The following TNPO1 variants were observed in gnomAD, a reference collection of about 807,000 sequenced individuals.
TNPO1 encodes transportin-1.
Under a neutral mutation model 119.5 loss-of-function variants are expected in TNPO1, and 8 were observed. That is an observed-to-expected ratio of 0.07 (90% CI 0.04 to 0.12). TNPO1 has a LOEUF of 0.12. Among genes scored for constraint, TNPO1 ranks in the 10% least tolerant of loss-of-function variants. TNPO1 has a pLI of 1.00. For synonymous variants in TNPO1, 362 were observed against 363.0 expected (o/e 1.00, Z 0.03); for missense variants, 576 against 1,089.8 (o/e 0.53, Z 6.64).
At chr5:72,858,317 T>TA (rs1746158076) in intron 4 of TNPO1, among the ~76,000 whole-genome samples, 2 of 152,220 alleles carry the variant, frequency 1.3e-5, no homozygotes, top group Admixed American at 1.3e-4. Flanking sequence ...TTTCTATTTT[T>TA]ATATATGTAT....
At chr5:72,826,627 A>G (rs1744216326) in intron 1 of TNPO1, among the ~76,000 whole-genome samples, 1 of 152,216 alleles carries the variant, frequency 6.6e-6, no homozygotes, top group African/African-American at 2.4e-5. Flanking sequence ...GCAAAATGGT[A>G]ATTATGTTAA....
chr5:72,911,049 T>G lies in TNPO1; in HGVS notation c.*2376T>G, dbSNP rs1487720873. 1 of 152,100 alleles carries G rather than the reference T, an allele frequency of 6.6e-6. No individual in the cohort carries two copies. Among genetic ancestry groups the G allele is most frequent in the Non-Finnish European group, 1.5e-5 (1 of 67,966 alleles). The allele number at this position is 152,100 out of a possible 1,614,324, so 9.4% of individuals were successfully genotyped here. ...GTAGAGTAGCTTTTTTATTCTTAGA[T>G]TATAGTGATATTCTGTAGTGCTTCA... On this transcript the variant is annotated 3_prime_UTR_variant, in exon 25 of 25. Coordinates refer to ENST00000337273, the MANE Select transcript of TNPO1 (RefSeq NM_002270.4).
intron 11 of TNPO1, among the ~76,000 whole-genome samples, 153 bp downstream of exon 11, chr5:72,883,385 T>C (rs1231876629): frequency 6.6e-6 from 1 of 152,196 alleles, no homozygotes; most frequent in Non-Finnish European, 1.5e-5. Flanking sequence ...CCACAATCAG[T>C]TGTAGACTAT....
chr5:72,867,517 GA>G (rs922588583), intron 6 of TNPO1, among the ~76,000 whole-genome samples: 2 of 152,146 alleles, frequency 1.3e-5, no homozygotes, highest in Non-Finnish European at 2.9e-5. Context: ...GAGGTACTCA[GA>G]ATTGAATTAT....
chr5:72,822,061 G>A (rs529154422), intron 1 of TNPO1, among the ~76,000 whole-genome samples: 49 of 152,314 alleles, frequency 3.2e-4, no homozygotes, highest in Middle Eastern at 6.8e-3. Flanking sequence ...AGAGAGGGAT[G>A]TTGAAGAGAG....
intron 6 of TNPO1, among the ~76,000 whole-genome samples, chr5:72,868,900 C>T (rs1035518760): frequency 2.0e-5 from 3 of 151,874 alleles, no homozygotes; most frequent in African/African-American, 4.8e-5. Flanking sequence ...CCTAGCTACT[C>T]GGGAGGCTGA....
At chr5:72,862,560 C>G (rs1746535535) in intron 5 of TNPO1, among the ~76,000 whole-genome samples, 2 of 151,846 alleles carry the variant, frequency 1.3e-5, no homozygotes, top group African/African-American at 2.4e-5. Context: ...CTCCTGAGCT[C>G]AAGAAATCTT....
chr5:72,872,670 A>G lies in TNPO1; in HGVS notation c.628A>G (p.Ile210Val). 1 of 1,611,560 alleles carries G rather than the reference A, an allele frequency of 6.2e-7. No homozygotes were observed. Among genetic ancestry groups the G allele is most frequent in the Non-Finnish European group, 8.5e-7 (1 of 1,178,904 alleles). Residue 210 changes from isoleucine to valine, a missense_variant, in exon 7 of 25, where the codon ATC becomes GTC. By Grantham distance (29) the Ile-to-Val change is conservative (BLOSUM62 3). Transcript: ENST00000337273. ...CGCTGTTGCATGTGTCAATCAGTTT[A>G]TCATCAGTAGGACTCAAGCTCTAAT... ...SHAVACVNQF[I>V]ISRTQALMLH...
chr5:72,884,915 A>C (rs1748512272), intron 11 of TNPO1, among the ~76,000 whole-genome samples: 1 of 152,196 alleles, frequency 6.6e-6, no homozygotes, highest in South Asian at 2.1e-4. Flanking sequence ...GGGGAACAAA[A>C]TCAACCCCAG....
intron 5 of TNPO1, among the ~76,000 whole-genome samples, chr5:72,863,039 G>GT (rs1156314066): frequency 1.8e-4 from 26 of 144,322 alleles, no homozygotes; most frequent in Admixed American, 2.7e-4. Context: ...TTTTTTTGTT[G>GT]TTTTTTTGGG....
At chr5:72,853,928 AG>A (rs1385955239) in intron 3 of TNPO1, among the ~76,000 whole-genome samples, 1 of 152,246 alleles carries the variant, frequency 6.6e-6, no homozygotes, top group Non-Finnish European at 1.5e-5. Flanking sequence ...TGTAAAACAA[AG>A]GAAATCGTTA....
At chr5:72,868,602 T>C (rs975463127) in intron 6 of TNPO1, among the ~76,000 whole-genome samples, 2 of 152,194 alleles carry the variant, frequency 1.3e-5, no homozygotes, top group African/African-American at 4.8e-5. Context: ...ACCTCTGTTA[T>C]ATGCTTAGTT....
chr5:72,856,525 G>A (rs1447484440), intron 4 of TNPO1, among the ~76,000 whole-genome samples: 2 of 148,238 alleles, frequency 1.3e-5, no homozygotes, highest in African/African-American at 2.5e-5. Flanking sequence ...GAGCCATGGC[G>A]CCTGGCTTGG....
At position 72,883,102 on chromosome 5, in the gene TNPO1, A is replaced by G. The variant is rs1349221488; in HGVS notation, c.1020A>G (p.Glu340=). 1 of 1,613,640 alleles carries G rather than the reference A, an allele frequency of 6.2e-7. No individual in the cohort carries two copies. Among genetic ancestry groups the G allele is most frequent in the Non-Finnish European group, 8.5e-7 (1 of 1,179,976 alleles). Residue 340 remains glutamate (E), a synonymous_variant, in exon 11 of 25, where the codon GAA becomes GAG. Coordinates refer to ENST00000337273, the MANE Select transcript of TNPO1 (RefSeq NM_002270.4). The part of the protein sequence containing the change: ...VEEDETIPDS[E]QDIRPRFHRS... ...AAGACGAAACGATTCCTGATAGTGA[A>G]CAGGATATACGGCCACGTTTTCACC...
Position 72,865,610 on chromosome 5 carries a change from C to A in TNPO1, c.477C>A (p.Ala159=), listed in dbSNP as rs766283408. 1 of 1,611,790 alleles carries A rather than the reference C, an allele frequency of 6.2e-7. No individual in the cohort carries two copies. The highest frequency in any genetic ancestry group is 1.7e-5 in the Admixed American group (1 of 59,888). Residue 159 remains alanine (A), a synonymous_variant, in exon 6 of 25, where the codon GCC becomes GCA. Coordinates refer to ENST00000337273, the MANE Select transcript of TNPO1 (RefSeq NM_002270.4). The stretch of plus-strand genomic sequence containing the variant: ...GTCTCTTACAGGGAGCATTTGGTGC[C>A]CTTCAGAAGATTTGTGAAGATTCTG... ...DYNTCEGAFG[A]LQKICEDSAE...
intron 7 of TNPO1, among the ~76,000 whole-genome samples, chr5:72,874,303 C>G (rs547307582): frequency 1.3e-5 from 2 of 152,082 alleles, no homozygotes; most frequent in South Asian, 4.1e-4. Flanking sequence ...CCATTGTTTT[C>G]ATGGTATCAT....
chr5:72,834,517 A>G (rs900719087), intron 1 of TNPO1, among the ~76,000 whole-genome samples: 5 of 152,378 alleles, frequency 3.3e-5, no homozygotes, highest in East Asian at 1.9e-4. Context: ...TTAACAAAAA[A>G]GTTTAAAAAG....
intron 1 of TNPO1, among the ~76,000 whole-genome samples, chr5:72,828,327 G>A (rs758123174): frequency 1.3e-5 from 2 of 152,220 alleles, no homozygotes; most frequent in Admixed American, 6.5e-5. Flanking sequence ...TGAATGGTGG[G>A]TAGTGGAGAA....
chr5:72,879,003 G>A (rs544685906), intron 9 of TNPO1: 169 of 439,334 alleles, frequency 3.8e-4, no homozygotes, highest in Middle Eastern at 3.1e-3. Context: ...TTAGTTTGCC[G>A]CCAGGAGTCT....
Sources: allele counts gnomAD v4.1 joint callset (sites outside exome capture counted in the v4.1 genomes callset), GRCh38; gene constraint gnomAD v4.1.1; transcripts MANE v1.5; gene names NCBI Gene and HGNC (gene_info 2026-07-23, HGNC 2026-07-21).